Variants in ERGIC1 observed in about 807,000 individuals in gnomAD.
ERGIC1 encodes endoplasmic reticulum-Golgi intermediate compartment protein 1.
In ERGIC1, 19 loss-of-function variants were observed where a neutral mutation model predicts 38.3. The ratio of observed to expected loss-of-function variants is 0.50; its 90% confidence interval spans 0.35 to 0.73. ERGIC1 has a LOEUF of 0.73. Ranked by LOEUF, ERGIC1 falls within the 30% of genes least tolerant of loss-of-function variation. The pLI is 0.01. For missense variants in ERGIC1, 294 were observed against 389.2 expected, an observed-to-expected ratio of 0.76 and a Z score of 2.06; for synonymous variants, 124 against 157.6, an observed-to-expected ratio of 0.79 and a Z score of 1.60.
chr5:172,904,216 G>A (rs1762962443), intron 3 of ERGIC1, among the ~76,000 whole-genome samples: 1 of 152,144 alleles, frequency 6.6e-6, no homozygotes, highest in African/African-American at 2.4e-5. Flanking sequence ...TATTAAGGTA[G>A]AGGCCTGATG....
intron 1 of ERGIC1, among the ~76,000 whole-genome samples, chr5:172,848,871 T>C (rs546532630): frequency 6.6e-6 from 1 of 152,336 alleles, no homozygotes; most frequent in Non-Finnish European, 1.5e-5. Flanking sequence ...GAATTTATTT[T>C]GACCGAGTCC....
At chr5:172,896,349 T>A (rs1762721722) in intron 2 of ERGIC1, among the ~76,000 whole-genome samples, 1 of 152,088 alleles carries the variant, frequency 6.6e-6, no homozygotes, top group Non-Finnish European at 1.5e-5. Context: ...AAAGAAATAA[T>A]AAGCATATTG....
rs550467764 is a variant in ERGIC1, at chr5:172,836,789, G to C, written c.20+2356G>C. 2.0e-5 allele frequency among the ~76,000 whole-genome samples: 3 copies of C among 152,296 alleles called. No homozygotes were observed. The East Asian group carries it at 5.8e-4, about 29-fold the overall frequency. On this transcript the variant is annotated intron_variant, in intron 1 of 9. Coordinates refer to ENST00000393784, the MANE Select transcript of ERGIC1 (RefSeq NM_001031711.3). ...CAGGAGTGGGGGTGTGCGTGAACTGGCACGCAAGGAGCATCTACCACTGTA... is the reference window on the plus strand; with the variant it reads ...CAGGAGTGGGGGTGTGCGTGAACTGCCACGCAAGGAGCATCTACCACTGTA...
At chr5:172,881,107 C>T (rs1762271055) in intron 1 of ERGIC1, among the ~76,000 whole-genome samples, 1 of 152,112 alleles carries the variant, frequency 6.6e-6, no homozygotes, top group African/African-American at 2.4e-5. Flanking sequence ...ATTAGCTGGG[C>T]ATGGTGGCAC....
chr5:172,888,258 G>A (rs1396059857), intron 1 of ERGIC1, among the ~76,000 whole-genome samples: 1 of 152,220 alleles, frequency 6.6e-6, no homozygotes, highest in South Asian at 2.1e-4. Context: ...TTAGGAGTTC[G>A]AGACCAGCCT....
intron 3 of ERGIC1, among the ~76,000 whole-genome samples, chr5:172,906,471 T>C (rs56190018): frequency 0.034 from 5,146 of 152,216 alleles, 85 homozygotes; most frequent in South Asian, 0.086. Flanking sequence ...TGGAGGCCCA[T>C]CTGTTGCACT....
At chr5:172,899,789 T>C (rs1762824448) in intron 3 of ERGIC1, among the ~76,000 whole-genome samples, 1 of 152,132 alleles carries the variant, frequency 6.6e-6, no homozygotes, top group Non-Finnish European at 1.5e-5. Flanking sequence ...AGACAAGAAC[T>C]AAAGCAGGGC....
chr5:172,914,503 C>G (rs1324889060), intron 4 of ERGIC1: 1 of 736,918 alleles, frequency 1.4e-6, no homozygotes, highest in Non-Finnish European at 2.2e-6. Flanking sequence ...GCCCCGGGAC[C>G]CCTACTATGC....
intron 3 of ERGIC1, among the ~76,000 whole-genome samples, chr5:172,901,999 C>T (rs1221047431): frequency 6.6e-6 from 1 of 152,182 alleles, no homozygotes; most frequent in African/African-American, 2.4e-5. Flanking sequence ...ACTGAGGCAC[C>T]AGGCGGCCAA....
chr5:172,883,308 G>A lies in ERGIC1; in HGVS notation c.21-5391G>A, dbSNP rs376516748. On this transcript the variant is annotated intron_variant, in intron 1 of 9. Coordinates refer to ENST00000393784, the MANE Select transcript of ERGIC1 (RefSeq NM_001031711.3). ...GGAAAATCCATTAGACAGTGCTGCC[G>A]GCCAATCTGCAGATCGTACTCAACT... Among the ~76,000 whole-genome samples, 34 of 152,128 alleles carry A rather than the reference G, an allele frequency of 2.2e-4. No individual in the cohort carries two copies. In the East Asian group the frequency reaches 2.3e-3, roughly 10 times the overall value.
intron 1 of ERGIC1, among the ~76,000 whole-genome samples, chr5:172,864,742 T>C (rs1561707623): frequency 6.7e-6 from 1 of 149,572 alleles, no homozygotes; most frequent in Non-Finnish European, 1.5e-5. Context: ...TATTAACATG[T>C]CCCCCCCCCT....
intron 9 of ERGIC1, among the ~76,000 whole-genome samples, chr5:172,944,848 C>T (rs1764086725): frequency 6.6e-6 from 1 of 152,232 alleles, no homozygotes; most frequent in African/African-American, 2.4e-5. Context: ...CTGCCTGCCC[C>T]ATCCAGGGTC....
intron 1 of ERGIC1, among the ~76,000 whole-genome samples, chr5:172,852,244 G>A (rs1407976821): frequency 2.0e-5 from 3 of 152,206 alleles, no homozygotes; most frequent in Non-Finnish European, 4.4e-5. Flanking sequence ...GCTGAAAAGA[G>A]TGAGGCCCAG....
chr5:172,881,600 C>A (rs926827710), intron 1 of ERGIC1, among the ~76,000 whole-genome samples: 3 of 152,192 alleles, frequency 2.0e-5, no homozygotes, highest in African/African-American at 7.2e-5. Context: ...CAGTCCAAAT[C>A]TTTAACTTTT....
chr5:172,941,539 G>T (rs1255558155), intron 9 of ERGIC1, among the ~76,000 whole-genome samples: 1 of 152,106 alleles, frequency 6.6e-6, no homozygotes, highest in Non-Finnish European at 1.5e-5. Flanking sequence ...CCTACCCCCA[G>T]CACTGTCTCA....
At chr5:172,892,815 C>T (rs1421516704) in intron 2 of ERGIC1, among the ~76,000 whole-genome samples, 1 of 152,170 alleles carries the variant, frequency 6.6e-6, no homozygotes, top group Non-Finnish European at 1.5e-5. Context: ...GCCACAGTGG[C>T]ATTGTGACCT....
intron 1 of ERGIC1, among the ~76,000 whole-genome samples, chr5:172,839,725 A>G (rs1329274319): frequency 6.6e-6 from 1 of 152,226 alleles, no homozygotes; most frequent in Non-Finnish European, 1.5e-5. Context: ...AGTGCCAGGC[A>G]CTGTTGTAAG....
intron 1 of ERGIC1, among the ~76,000 whole-genome samples, chr5:172,858,972 C>T (rs532429672): frequency 1.1e-4 from 16 of 152,348 alleles, no homozygotes; most frequent in African/African-American, 3.8e-4. Flanking sequence ...GCTGGGGGAG[C>T]TGTGCTGAGG....
chr5:172,937,946 C>T (rs1477288758), intron 9 of ERGIC1: 1 of 151,374 alleles, frequency 6.6e-6, no homozygotes, highest in Non-Finnish European at 1.5e-5. Flanking sequence ...TGCGGTGAGC[C>T]AGGATCACTC....
Sources: allele counts gnomAD v4.1 joint callset (sites outside exome capture counted in the v4.1 genomes callset), GRCh38; gene constraint gnomAD v4.1.1; transcripts MANE v1.5; gene names NCBI Gene and HGNC (gene_info 2026-07-23, HGNC 2026-07-21).